ESR1: variants seen among roughly 807,000 people sequenced by gnomAD.
ESR1 encodes the protein estrogen receptor 1.
ESR1 carries 12 observed loss-of-function variants against 52.7 expected under a neutral mutation model. The ratio of observed to expected loss-of-function variants is 0.23; its 90% CI spans 0.15 to 0.37. The LOEUF is 0.37. Among genes scored for constraint, ESR1 ranks in the 10% least tolerant of loss-of-function variants. ESR1 has a pLI of 1.00. For synonymous variants in ESR1, 305 were observed against 316.8 expected (o/e 0.96, Z 0.39); for missense variants, 584 against 779.7 (o/e 0.75, Z 2.99).
intron 1 of ESR1, among the ~76,000 whole-genome samples, chr6:151,833,236 G>A (rs921888275): frequency 3.3e-5 from 5 of 152,154 alleles, no homozygotes; most frequent in African/African-American, 1.2e-4. Flanking sequence ...GTTACAATGC[G>A]CTGAGGCTAA....
chr6:152,061,260 C>G lies in ESR1; in HGVS notation c.1369+136C>G, dbSNP rs2047518707. On this transcript the variant is annotated intron_variant, in intron 6 of 7. Coordinates refer to ENST00000206249, the MANE Select transcript of ESR1 (RefSeq NM_000125.4). The surrounding 1 kb of genome is among the most constrained non-coding windows in gnomAD (Gnocchi z 4.3). ...CTACTGACACACGTTTTAAAATAAC[C>G]TACCAACATTGCAGATTCCTTATAA... 2.4e-6 allele frequency: 2 copies of G among 846,702 alleles called. No individual in the cohort carries two copies. Among genetic ancestry groups the G allele is most frequent in the African/African-American group, 1.7e-5 (1 of 59,742 alleles). 52.4% of individuals were successfully genotyped at this position (846,702 alleles called of 1,614,324 possible).
intron 6 of ESR1, among the ~76,000 whole-genome samples, chr6:152,083,082 T>C (rs1056675807): frequency 1.3e-5 from 2 of 149,444 alleles, no homozygotes; most frequent in African/African-American, 2.5e-5. Context: ...CAAGCTACCA[T>C]TGACTTTCTT....
intron 2 of ESR1, among the ~76,000 whole-genome samples, chr6:151,788,325 ACATGTGGC>A (rs1562406185): frequency 6.6e-6 from 1 of 152,196 alleles, no homozygotes; most frequent in African/African-American, 2.4e-5. Context: ...CAGAAGACAT[ACATGTGGC>A]CAACAAGCAT....
chr6:151,968,909 G>C (rs549099797), intron 4 of ESR1, among the ~76,000 whole-genome samples: 1 of 152,012 alleles, frequency 6.6e-6, no homozygotes, highest in South Asian at 2.1e-4. Flanking sequence ...CCCTCTTTCC[G>C]TCTGTGGTAA....
chr6:151,847,153 A>G (rs1785282053), intron 2 of ESR1, among the ~76,000 whole-genome samples: 1 of 152,236 alleles, frequency 6.6e-6, no homozygotes, highest in Non-Finnish European at 1.5e-5. Flanking sequence ...GTATCAGGGT[A>G]GAGTCTGGTT....
At chr6:151,763,168 C>T (rs1042501341) in intron 2 of ESR1, among the ~76,000 whole-genome samples, 3 of 151,664 alleles carry the variant, frequency 2.0e-5, no homozygotes, top group African/African-American at 7.3e-5. Flanking sequence ...GAAAACACAC[C>T]TATGTAATTT....
chr6:151,748,890 T>A (rs762045391), intron 2 of ESR1, among the ~76,000 whole-genome samples: 1 of 151,016 alleles, frequency 6.6e-6, no homozygotes, highest in African/African-American at 2.5e-5. Context: ...ATACATAGTA[T>A]ATCCATTTGC....
At chr6:151,757,665 G>A (rs1165418530) in intron 2 of ESR1, among the ~76,000 whole-genome samples, 1 of 152,148 alleles carries the variant, frequency 6.6e-6, no homozygotes, top group African/African-American at 2.4e-5. Flanking sequence ...TGAAGTTCTC[G>A]CTTGGACCCC....
In ESR1 at chr6:151,880,636, G is replaced by T; in HGVS notation, c.644-19G>T. On this transcript the variant is annotated intron_variant, in intron 2 of 7. Transcript: ENST00000206249. ...AGTTTCCTGAAATAATATTAATTCT[G>T]TCCTCTTGCTTTTAATAGGACATAA... The T allele has an allele frequency of 7.2e-7, 1 of 1,384,628 alleles. No individual in the cohort carries two copies. The highest frequency in any genetic ancestry group is 1.0e-6 in the Non-Finnish European group (1 of 970,222). 85.8% of individuals were successfully genotyped at this position (1,384,628 alleles called of 1,614,324 possible).
intron 2 of ESR1, among the ~76,000 whole-genome samples, chr6:151,850,025 A>G (rs371230049): frequency 4.7e-5 from 4 of 85,548 alleles, no homozygotes; most frequent in Admixed American, 1.3e-4. Context: ...TATATATACA[A>G]AATTATATAT....
At chr6:151,850,383 CAGAG>C (rs764460961) in intron 2 of ESR1, among the ~76,000 whole-genome samples, 2 of 134,236 alleles carry the variant, frequency 1.5e-5, no homozygotes, top group Non-Finnish European at 3.2e-5. Context: ...CATATGATAA[CAGAG>C]AGAGAGAGAG....
chr6:151,686,625 T>C (rs1778692128), upstream of ESR1, among the ~76,000 whole-genome samples: 1 of 152,066 alleles, frequency 6.6e-6, no homozygotes, highest in Non-Finnish European at 1.5e-5. Context: ...GAGGCGGAGC[T>C]TGCAGTGAGC....
At chr6:151,704,588 T>G (rs1378865439) in intron 2 of ESR1, among the ~76,000 whole-genome samples, 2 of 152,174 alleles carry the variant, frequency 1.3e-5, no homozygotes, top group Non-Finnish European at 2.9e-5. Flanking sequence ...AACATAAAAG[T>G]TCCATTTCTT....
intron 3 of ESR1, among the ~76,000 whole-genome samples, chr6:151,923,439 A>G (rs1463832288): frequency 6.6e-6 from 1 of 152,184 alleles, no homozygotes; most frequent in African/African-American, 2.4e-5. Flanking sequence ...TGTAGCATAG[A>G]ATAGTTTCTC....
chr6:152,021,327 G>C (rs917201703), intron 5 of ESR1, among the ~76,000 whole-genome samples: 4 of 152,106 alleles, frequency 2.6e-5, no homozygotes, highest in African/African-American at 9.7e-5. Flanking sequence ...ACTCGGACTG[G>C]CTCTCCTTGC....
upstream of ESR1, chr6:151,804,999 G>C (rs569830451): frequency 5.3e-5 from 8 of 152,230 alleles, no homozygotes; most frequent in East Asian, 1.5e-3. Context: ...TTAAAACAAA[G>C]GTATCTACCT....
chr6:151,724,947 G>C (rs751613558), intron 2 of ESR1, among the ~76,000 whole-genome samples: 1 of 152,172 alleles, frequency 6.6e-6, no homozygotes, highest in Non-Finnish European at 1.5e-5. Context: ...GTCATTTTAA[G>C]AGTTACGTTT....
chr6:151,695,052 T>C (rs1779233356), intron 1 of ESR1, among the ~76,000 whole-genome samples: 1 of 152,160 alleles, frequency 6.6e-6, no homozygotes, highest in Admixed American at 6.5e-5. Context: ...TTTGAGGGGA[T>C]GGTGGTAATC....
chr6:152,055,860 T>G (rs1343750414), intron 5 of ESR1, among the ~76,000 whole-genome samples: 1 of 152,226 alleles, frequency 6.6e-6, no homozygotes, highest in Admixed American at 6.5e-5. Flanking sequence ...TAAACATTTT[T>G]CATGGCAGTA....
Sources: gnomAD v4.1 joint callset for allele counts (sites outside exome capture counted in the v4.1 genomes callset) on GRCh38, gnomAD v4.1.1 for gene constraint, Gnocchi (gnomAD v3.1) non-coding constraint, MANE v1.5 for transcripts, NCBI Gene and HGNC (gene_info 2026-07-23, HGNC 2026-07-21) for gene names.